Variants in TEC observed in about 807,000 individuals in gnomAD.
The protein encoded by TEC is tyrosine-protein kinase Tec.
A neutral mutation model predicts 93.0 loss-of-function variants in TEC; 72 were observed. The ratio of observed to expected loss-of-function variants is 0.77; its 90% CI spans 0.64 to 0.94. TEC has a LOEUF of 0.94. Ranked by LOEUF, TEC falls within the 40% of genes least tolerant of loss-of-function variation. The pLI is 0.00. For synonymous variants in TEC, 249 were observed against 247.7 expected (o/e 1.01, Z -0.05); for missense variants, 630 against 757.9 (o/e 0.83, Z 1.98).
intron 2 of TEC, among the ~76,000 whole-genome samples, chr4:48,212,488 C>T (rs1421849586): frequency 6.6e-6 from 1 of 152,106 alleles, no homozygotes; most frequent in African/African-American, 2.4e-5. Flanking sequence ...GAACACTGTC[C>T]CCTAGTTTCT....
intron 2 of TEC, among the ~76,000 whole-genome samples, chr4:48,177,575 A>C (rs1393612437): frequency 1.3e-5 from 2 of 152,120 alleles, no homozygotes; most frequent in Non-Finnish European, 2.9e-5. Flanking sequence ...AGCACCTCCC[A>C]TCTGACTAAA....
chr4:48,215,284 A>G (rs1723038403), intron 2 of TEC, among the ~76,000 whole-genome samples: 1 of 152,142 alleles, frequency 6.6e-6, no homozygotes, highest in Non-Finnish European at 1.5e-5. Flanking sequence ...AGGTGGGTGG[A>G]TCATTTGATG....
intron 1 of TEC, among the ~76,000 whole-genome samples, chr4:48,262,552 C>T (rs541032040): frequency 1.3e-5 from 2 of 152,086 alleles, no homozygotes; most frequent in South Asian, 4.2e-4. Flanking sequence ...AAAATTCATT[C>T]AGTATATTAA....
chr4:48,201,663 G>A (rs1190136348), intron 2 of TEC, among the ~76,000 whole-genome samples: 3 of 152,196 alleles, frequency 2.0e-5, no homozygotes, highest in Non-Finnish European at 4.4e-5. Flanking sequence ...TAAGAGCAAG[G>A]ACACGGGCTC....
At chr4:48,152,666 T>C (rs1476275814) in intron 9 of TEC, among the ~76,000 whole-genome samples, 1 of 152,128 alleles carries the variant, frequency 6.6e-6, no homozygotes, top group African/African-American at 2.4e-5. Context: ...ATGCAGCTAG[T>C]AAGTAGCAGA....
chr4:48,170,554 T>C (rs1721058517), intron 4 of TEC, among the ~76,000 whole-genome samples, 178 bp from the exon 5 acceptor site: 3 of 152,228 alleles, frequency 2.0e-5, no homozygotes, highest in Admixed American at 2.0e-4. Flanking sequence ...ACCTCTTCTT[T>C]TTTTGTGTGT....
In TEC at chr4:48,145,143, A is replaced by G; in HGVS notation, c.1406T>C (p.Met469Thr). The part of the protein sequence containing the change: ...GHFSRDVLLS[M>T]CQDVCEGMEY... Reference sequence around the variant, plus strand: ...CATCCCTTCACACACATCCTGACACATGCTCAGCAGTACGTCTCTACTGAA... The same window carrying G: ...CATCCCTTCACACACATCCTGACACGTGCTCAGCAGTACGTCTCTACTGAA... The change falls in exon 14 of 18, where the codon ATG becomes ACG. Residue 469 changes from methionine to threonine, a missense_variant. Transcript: ENST00000381501. 1 of 1,614,058 alleles carries G rather than the reference A, an allele frequency of 6.2e-7. No individual in the cohort carries two copies. Among genetic ancestry groups the G allele is most frequent in the Non-Finnish European group, 8.5e-7 (1 of 1,179,972 alleles).
At chr4:48,138,421 A>G (rs1719517800) in intron 17 of TEC, among the ~76,000 whole-genome samples, 1 of 152,234 alleles carries the variant, frequency 6.6e-6, no homozygotes, top group South Asian at 2.1e-4. Context: ...CAACCATGGA[A>G]GGAGTCCCAC....
intron 8 of TEC, among the ~76,000 whole-genome samples, chr4:48,159,854 C>T (rs1409394737): frequency 6.6e-6 from 1 of 152,126 alleles, no homozygotes; most frequent in Non-Finnish European, 1.5e-5. Flanking sequence ...AGGCTCTTTT[C>T]AACAACCAGT....
At chr4:48,245,224 C>T (rs191806510) in intron 1 of TEC, among the ~76,000 whole-genome samples, 1 of 150,712 alleles carries the variant, frequency 6.6e-6, no homozygotes, top group South Asian at 2.1e-4. Context: ...ACCAGGGAGT[C>T]GGAGGTTGCA....
chr4:48,261,803 CAT>C (rs1454272230), intron 1 of TEC, among the ~76,000 whole-genome samples: 1 of 151,946 alleles, frequency 6.6e-6, no homozygotes, highest in Non-Finnish European at 1.5e-5. Context: ...AAACAAATGA[CAT>C]ATAGTTACAA....
At chr4:48,153,806 C>T (rs1244716825) in intron 9 of TEC, among the ~76,000 whole-genome samples, 1 of 152,168 alleles carries the variant, frequency 6.6e-6, no homozygotes, top group East Asian at 1.9e-4. Flanking sequence ...CCCACCCAGC[C>T]CTGCAGCAAC....
At chr4:48,199,712 C>T (rs572889740) in intron 2 of TEC, among the ~76,000 whole-genome samples, 2 of 152,106 alleles carry the variant, frequency 1.3e-5, no homozygotes, top group African/African-American at 2.4e-5. Context: ...CGTGATCCAC[C>T]CGCCTCGGCC....
intron 2 of TEC, among the ~76,000 whole-genome samples, chr4:48,183,793 T>A (rs1346828028): frequency 6.6e-6 from 1 of 152,244 alleles, no homozygotes; most frequent in Non-Finnish European, 1.5e-5. Flanking sequence ...TACATCTATA[T>A]GTATCCTATT....
rs1034705831 is a variant in TEC at position 48,152,421 on chromosome 4, G to A, written c.793-1479C>T. Among the ~76,000 whole-genome samples the A allele has an allele frequency of 2.0e-5, 3 of 151,810 alleles. 1 individual carries two copies. The highest frequency in any genetic ancestry group is 4.4e-5 in the Non-Finnish European group (3 of 67,964). ...CCACTGCACTCCAGCCTGGGAGACA[G>A]AGAGAGATACTATCATAAATAAATA... is the stretch of plus-strand genomic sequence containing the variant. On this transcript the variant is annotated intron_variant, in intron 9 of 17. Transcript: ENST00000381501.
chr4:48,145,654 C>T, intron 12 of TEC, 75 bp from the exon 13 acceptor site: 1 of 1,506,870 alleles, frequency 6.6e-7, no homozygotes, highest in Non-Finnish European at 9.1e-7. Flanking sequence ...GGAAAAAGAA[C>T]CTACAACCAA....
At chr4:48,147,803 C>A (rs925632473) in intron 11 of TEC, among the ~76,000 whole-genome samples, 1 of 152,256 alleles carries the variant, frequency 6.6e-6, no homozygotes, top group South Asian at 2.1e-4. Context: ...TGGGTTGTAA[C>A]TCAATAATAG....
chr4:48,234,460 T>TACA (rs960791278), intron 1 of TEC, among the ~76,000 whole-genome samples: 2 of 152,024 alleles, frequency 1.3e-5, no homozygotes, highest in African/African-American at 4.8e-5. Flanking sequence ...TGGCCAAGAG[T>TACA]ACAACCAGTC....
At chr4:48,257,259 A>C (rs1282469002) in intron 1 of TEC, among the ~76,000 whole-genome samples, 1 of 152,230 alleles carries the variant, frequency 6.6e-6, no homozygotes, top group Non-Finnish European at 1.5e-5. Flanking sequence ...GGTGACTACT[A>C]GAAAATTTTA....
Sources: gnomAD v4.1 joint callset for allele counts (sites outside exome capture counted in the v4.1 genomes callset) on GRCh38, gnomAD v4.1.1 for gene constraint, MANE v1.5 for transcripts, NCBI Gene and HGNC (gene_info 2026-07-23, HGNC 2026-07-21) for gene names.